LACTB: variants seen among roughly 807,000 people sequenced by gnomAD.
LACTB encodes the protein lactamase beta, also known as serine beta-lactamase-like protein LACTB, mitochondrial.
LACTB carries 35 observed loss-of-function variants against 50.2 expected under a neutral mutation model. That is an observed-to-expected ratio of 0.70 (90% CI 0.53 to 0.92). The LOEUF is 0.92. Among genes scored for constraint, LACTB ranks in the 40% least tolerant of loss-of-function variants. The pLI, the probability that LACTB is intolerant of heterozygous loss-of-function variation, is 0.00. For synonymous variants in LACTB, 252 were observed against 268.2 expected, an observed-to-expected ratio of 0.94 and a Z score of 0.59; for missense variants, 664 against 691.8, an observed-to-expected ratio of 0.96 and a Z score of 0.45.
intron 5 of LACTB, chr15:63,131,105 A>G (rs751937496): frequency 2.6e-5 from 4 of 152,422 alleles, no homozygotes; most frequent in Middle Eastern, 3.4e-3. Context: ...AGCCTGGCCA[A>G]CATGGCGAAA....
At chr15:63,123,449 G>T (rs2037004885) in intron 2 of LACTB, among the ~76,000 whole-genome samples, 1 of 152,198 alleles carries the variant, frequency 6.6e-6, no homozygotes, top group Non-Finnish European at 1.5e-5. Context: ...AGCCCCACAG[G>T]GTCGGTGGGT....
intron 3 of LACTB, 142 bp downstream of exon 3, chr15:63,127,191 C>T (rs1458560996): frequency 1.9e-5 from 17 of 908,964 alleles, no homozygotes; most frequent in Non-Finnish European, 2.8e-5. Flanking sequence ...AGATGATAAT[C>T]AGGTAGGTAT....
chr15:63,140,102 G>T (rs182665720), intron 5 of LACTB, among the ~76,000 whole-genome samples: 9 of 152,320 alleles, frequency 5.9e-5, no homozygotes, highest in African/African-American at 2.2e-4. Context: ...GCAAGACTCT[G>T]TCTCAAAAGA....
chr15:63,122,570 C>A, intron 1 of LACTB, 66 bp from the exon 2 acceptor site: 1 of 1,308,486 alleles, frequency 7.6e-7, no homozygotes, highest in Non-Finnish European at 1.1e-6. Flanking sequence ...TTGGAAGGTC[C>A]CCGAGGAGAG....
In LACTB at chr15:63,121,887, TCAGCAGTG is replaced by T. The variant is rs1566988131; in HGVS notation, c.17_24del (p.Ser6TyrfsTer67). On this transcript the variant is annotated frameshift_variant, in exon 1 of 6. Transcript: ENST00000261893. LOFTEE classifies it high-confidence loss of function. ...CAGAGACGCCATGTACCGGCTCATG[TCAGCAGTG>T]ACTGCCCGGGCTGCCGCCCCCGGGG... is the stretch of plus-strand genomic sequence containing the variant. The T allele has an allele frequency of 7.1e-7, 1 of 1,414,570 alleles. No individual in the cohort carries two copies. Among genetic ancestry groups the T allele is most frequent in the South Asian group, 1.6e-5 (1 of 62,580 alleles). 87.6% of individuals were successfully genotyped at this position (1,414,570 alleles called of 1,614,324 possible).
At chr15:63,136,153 T>G (rs1404216888) in intron 5 of LACTB, among the ~76,000 whole-genome samples, 2 of 152,018 alleles carry the variant, frequency 1.3e-5, no homozygotes, top group African/African-American at 4.8e-5. Flanking sequence ...GTGATCCTCC[T>G]GTATCAGCCT....
intron 5 of LACTB, among the ~76,000 whole-genome samples, chr15:63,133,683 T>C (rs2037152455): frequency 6.6e-6 from 1 of 152,170 alleles, no homozygotes; most frequent in South Asian, 2.1e-4. Flanking sequence ...TGCTAAAAAA[T>C]TTCCATGTTC....
chr15:63,136,976 G>A (rs1305568223), intron 5 of LACTB, among the ~76,000 whole-genome samples: 1 of 152,178 alleles, frequency 6.6e-6, no homozygotes, highest in Non-Finnish European at 1.5e-5. Context: ...ACCATACGGT[G>A]TCTGTCACCT....
chr15:63,127,203 T>C (rs1253290596), intron 3 of LACTB, 150 bp from the exon 4 acceptor site: 3 of 933,420 alleles, frequency 3.2e-6, no homozygotes, highest in East Asian at 2.6e-5. Context: ...GGTAGGTATT[T>C]TTCTGAAATT....
chr15:63,129,751 GC>G, intron 5 of LACTB, 101 bp downstream of exon 5: 1 of 1,330,334 alleles, frequency 7.5e-7, no homozygotes, highest in Non-Finnish European at 9.6e-7. Context: ...AAATCAACCT[GC>G]CACATTTTGG....
At chr15:63,123,764 A>G (rs140246673) in intron 2 of LACTB, among the ~76,000 whole-genome samples, 365 of 152,352 alleles carry the variant, frequency 2.4e-3, no homozygotes, top group African/African-American at 8.4e-3. Flanking sequence ...AGCTTATGCC[A>G]TTATTTCTGC....
In LACTB at chr15:63,121,972, C is replaced by G. The variant is rs779768860; in HGVS notation, c.101C>G (p.Pro34Arg). Residue 34 changes from proline (P) to arginine (R), a missense_variant, in exon 1 of 6, where the codon CCG (proline) becomes CGG (arginine). Coordinates refer to ENST00000261893, the MANE Select transcript of LACTB (RefSeq NM_032857.5). Reference protein sequence around the residue: ...RRGVHQRAGLPPLGHGWVGGL... With the variant: ...RRGVHQRAGLRPLGHGWVGGL... ...GGGGTCCATCAGCGCGCCGGGCTGCCGCCTCTCGGCCACGGCTGGGTCGGG... is the reference window on the plus strand; with the variant it reads ...GGGGTCCATCAGCGCGCCGGGCTGCGGCCTCTCGGCCACGGCTGGGTCGGG... The G allele has an allele frequency of 3.1e-4, 419 of 1,372,294 alleles. No individual in the cohort carries two copies. The highest frequency in any genetic ancestry group is 3.2e-4 in the Non-Finnish European group (342 of 1,071,304). 85.0% of individuals were successfully genotyped at this position (1,372,294 alleles called of 1,614,324 possible). A position where few individuals can be genotyped will look rare whatever the true frequency, so the allele number is the denominator to read the frequency against.
intron 5 of LACTB, among the ~76,000 whole-genome samples, chr15:63,137,532 G>A (rs1287528681): frequency 6.6e-6 from 1 of 152,096 alleles, no homozygotes; most frequent in Non-Finnish European, 1.5e-5. Context: ...TGGGGTACGT[G>A]AGATGTTTTG....
chr15:63,141,028 G>A (rs2037222959), intron 5 of LACTB: 2 of 984,928 alleles, frequency 2.0e-6, no homozygotes, highest in African/African-American at 1.7e-5. Flanking sequence ...CACTCAGCAT[G>A]GACAAGCCAT....
chr15:63,137,481 A>T (rs2037188457), intron 5 of LACTB, among the ~76,000 whole-genome samples: 1 of 152,320 alleles, frequency 6.6e-6, no homozygotes, highest in Middle Eastern at 3.4e-3. Context: ...TAAAATTTTT[A>T]ATTTCAATTT....
intron 5 of LACTB, among the ~76,000 whole-genome samples, chr15:63,133,945 A>G (rs1007434726): frequency 6.6e-6 from 1 of 152,248 alleles, no homozygotes; most frequent in African/African-American, 2.4e-5. Flanking sequence ...TAACTTTTCA[A>G]AAATACTTTA....
At chr15:63,125,876 T>G (rs1328436785) in intron 2 of LACTB, 2 of 137,006 alleles carry the variant, frequency 1.5e-5, no homozygotes, top group African/African-American at 2.6e-5. Flanking sequence ...TTTTTTTTTG[T>G]ATATTTTGTA....
Position 63,135,361 on chromosome 15 carries a change from G to T in LACTB, c.1118+5711G>T, listed in dbSNP as rs984611533. Among the ~76,000 whole-genome samples the T allele has an allele frequency of 2.6e-5, 4 of 152,294 alleles. No individual in the cohort carries two copies. In the East Asian group the frequency reaches 5.8e-4, roughly 22 times the overall value. ...ATAAATTAGATTAGCAACAAGCAAT[G>T]AATTTTAATTTTTTAAATGGCCTGT... On this transcript the variant is annotated intron_variant, in intron 5 of 5. Transcript: ENST00000261893.
rs773272640 is a variant in LACTB at position 63,141,475 on chromosome 15, A to C, written c.1314A>C (p.Glu438Asp). The C allele has an allele frequency of 3.1e-6, 5 of 1,614,218 alleles. No individual in the cohort carries two copies. Among genetic ancestry groups the C allele is most frequent in the Non-Finnish European group, 4.2e-6 (5 of 1,180,014 alleles). The change falls in exon 6 of 6, where the codon GAA becomes GAC. Residue 438 changes from glutamate (E) to aspartate (D), a missense_variant. Glu to Asp is a conservative substitution (Grantham distance 45). Transcript: ENST00000261893. ...TTTTACCTGGATACCTCAAACCAGA[A>C]ACAATGGTTATGATGTGGACCCCAG... ...ENLLPGYLKP[E>D]TMVMMWTPVP...
Sources: allele counts gnomAD v4.1 joint callset (sites outside exome capture counted in the v4.1 genomes callset), GRCh38; gene constraint gnomAD v4.1.1; transcripts MANE v1.5; gene names NCBI Gene and HGNC (gene_info 2026-07-23, HGNC 2026-07-21).